ABCC4: variants seen among roughly 807,000 people sequenced by gnomAD.
The protein encoded by ABCC4 is ATP-binding cassette sub-family C member 4.
A neutral mutation model predicts 168.5 loss-of-function variants in ABCC4; 102 were observed. That is an observed-to-expected ratio of 0.61 (90% CI 0.52 to 0.71). The LOEUF (loss-of-function observed/expected upper bound fraction) is 0.71, where lower values mean the gene tolerates loss of function less well. Ranked by LOEUF, ABCC4 falls within the 30% of genes least tolerant of loss-of-function variation. ABCC4 has a pLI of 0.00. For missense variants in ABCC4, 1,402 were observed against 1,605.8 expected, an observed-to-expected ratio of 0.87 and a Z score of 2.17; for synonymous variants, 617 against 590.7, an observed-to-expected ratio of 1.04 and a Z score of -0.65.
In ABCC4 at chr13:95,078,121, C is replaced by T. The variant is rs934498794; in HGVS notation, c.2687-2570G>A. Among the ~76,000 whole-genome samples, 7 of 152,296 alleles carry T rather than the reference C, an allele frequency of 4.6e-5. No homozygotes were observed. The East Asian group carries it at 1.4e-3, about 29-fold the overall frequency. ...ATAGTGCTTTAAGAAACCAGACCTT[C>T]CCTGAGCATAGATTCTCCACCAGAA... On this transcript the variant is annotated intron_variant, in intron 21 of 30. Coordinates refer to ENST00000645237, the MANE Select transcript of ABCC4 (RefSeq NM_005845.5).
intron 1 of ABCC4, among the ~76,000 whole-genome samples, chr13:95,291,585 A>T (rs1192998475): frequency 1.3e-5 from 2 of 152,210 alleles, no homozygotes; most frequent in African/African-American, 4.8e-5. Flanking sequence ...CAACAGCAAC[A>T]ATGAGCTGCT....
chr13:95,074,223 G>C lies in ABCC4; in HGVS notation c.2908C>G (p.Leu970Val). 2 of 1,611,186 alleles carry C rather than the reference G, an allele frequency of 1.2e-6. No homozygotes were observed. The highest frequency in any genetic ancestry group is 2.2e-5 in the East Asian group (1 of 44,836). Residue 970 changes from leucine (L) to valine (V), a missense_variant, in exon 23 of 31, where the codon CTG (leucine) becomes GTG (valine). Around this residue, in one of 3 missense-constraint regions of ABCC4, gnomAD observed 1,007 missense variants for 1,127.3 expected, o/e 0.89. Transcript: ENST00000645237. ...VIIVAFGSLI[L>V]AKTLDAGQVG... is the part of the protein sequence containing the mutation. Reference sequence around the variant, plus strand: ...TCACATCTGTACTTACTTTTTGCCAGAATCAGGGACCCAAAGGCAACGATG... The same window carrying C: ...TCACATCTGTACTTACTTTTTGCCACAATCAGGGACCCAAAGGCAACGATG...
rs115179397 is a variant in ABCC4, at chr13:95,098,424, A to C, written c.2536-15134T>G. Reference sequence around the variant, plus strand: ...ATCAAACATGAATTCACTGGAAAAAAAATCAAAATTGATAAACTCCAAGCT... The same window carrying C: ...ATCAAACATGAATTCACTGGAAAAACAATCAAAATTGATAAACTCCAAGCT... On this transcript the variant is annotated intron_variant, in intron 20 of 30. Coordinates refer to ENST00000645237, the MANE Select transcript of ABCC4 (RefSeq NM_005845.5). Among the ~76,000 whole-genome samples, 270 of 152,274 alleles carry C rather than the reference A, an allele frequency of 1.8e-3. 3 individuals carry two copies. The highest frequency in any genetic ancestry group is 5.7e-3 in the African/African-American group (235 of 41,590).
At position 95,147,711 on chromosome 13, in the gene ABCC4, T is replaced by C. The variant is rs1305799488; in HGVS notation, c.2455+13478A>G. Among the ~76,000 whole-genome samples the C allele has an allele frequency of 5.3e-5, 8 of 152,222 alleles. No homozygotes were observed. The East Asian group carries it at 7.7e-4, about 15-fold the overall frequency. On this transcript the variant is annotated intron_variant, in intron 19 of 30. Coordinates refer to ENST00000645237, the MANE Select transcript of ABCC4 (RefSeq NM_005845.5). ...GTTTCTCCTACTCCTAAGAAGTATA[T>C]CCACTTCTCTGGAATAATTCCAATA...
chr13:95,083,823 C>T (rs148393214), intron 20 of ABCC4, among the ~76,000 whole-genome samples: 120 of 152,070 alleles, frequency 7.9e-4, no homozygotes, highest in African/African-American at 2.8e-3. Flanking sequence ...ACACCAGGCC[C>T]CCATTAGTTC....
At chr13:95,037,934 C>G (rs781532441) in intron 29 of ABCC4, among the ~76,000 whole-genome samples, 1 of 151,582 alleles carries the variant, frequency 6.6e-6, no homozygotes, top group Non-Finnish European at 1.5e-5. Context: ...GGTGTGGTCT[C>G]GGTTCACTGC....
At chr13:95,269,431 AAAAATATATAT>A (rs1566586254) in intron 1 of ABCC4, 17 of 172,534 alleles carry the variant, frequency 9.9e-5, no homozygotes, top group East Asian at 5.7e-4. Flanking sequence ...ATCTCAAAAA[AAAAATATATAT>A]ATATATATAT....
intron 27 of ABCC4, among the ~76,000 whole-genome samples, chr13:95,049,674 TA>T (rs1334989700): frequency 6.6e-6 from 1 of 151,250 alleles, no homozygotes; most frequent in Non-Finnish European, 1.5e-5. Context: ...AATAAATAAA[TA>T]AAAAAATAAC....
intron 1 of ABCC4, among the ~76,000 whole-genome samples, chr13:95,262,685 T>C (rs971852110): frequency 2.0e-5 from 3 of 150,600 alleles, no homozygotes; most frequent in Non-Finnish European, 4.4e-5. Context: ...CAGGCTGGAG[T>C]GCTGTGGTGC....
chr13:95,107,032 G>A (rs1313591438), intron 20 of ABCC4, among the ~76,000 whole-genome samples: 1 of 152,096 alleles, frequency 6.6e-6, no homozygotes, highest in Non-Finnish European at 1.5e-5. Context: ...TGATATGGGT[G>A]GACCACCTGA....
intron 11 of ABCC4, among the ~76,000 whole-genome samples, chr13:95,183,320 G>A (rs1170975900): frequency 6.6e-6 from 1 of 152,108 alleles, no homozygotes; most frequent in Non-Finnish European, 1.5e-5. Flanking sequence ...GACCATTTCT[G>A]TCCAGCAGGT....
At chr13:95,123,072 T>G (rs1439429508) in intron 19 of ABCC4, among the ~76,000 whole-genome samples, 1 of 152,180 alleles carries the variant, frequency 6.6e-6, no homozygotes, top group Non-Finnish European at 1.5e-5. Context: ...ATCCTTCTCA[T>G]TTTTTTCCCC....
chr13:95,066,223 T>A (rs911118642), intron 25 of ABCC4, among the ~76,000 whole-genome samples: 1 of 152,242 alleles, frequency 6.6e-6, no homozygotes, highest in Admixed American at 6.5e-5. Context: ...GCTGAAATCC[T>A]AACCACCTTC....
intron 30 of ABCC4, among the ~76,000 whole-genome samples, chr13:95,022,852 C>T (rs2031171213): frequency 6.6e-6 from 1 of 152,194 alleles, no homozygotes; most frequent in Admixed American, 6.5e-5. Flanking sequence ...TCACTTCTTG[C>T]ACACTTGTTA....
intron 8 of ABCC4, among the ~76,000 whole-genome samples, chr13:95,205,397 C>T (rs1457132429): frequency 6.6e-6 from 1 of 152,212 alleles, no homozygotes; most frequent in African/African-American, 2.4e-5. Context: ...TAAGTTCACT[C>T]GAGTCTGTCC....
At chr13:95,168,344 G>A (rs977304485) in intron 14 of ABCC4, among the ~76,000 whole-genome samples, 12 of 152,122 alleles carry the variant, frequency 7.9e-5, no homozygotes, top group African/African-American at 2.7e-4. Context: ...GCCAGCACAC[G>A]GAACCACTTC....
chr13:95,155,521 T>C (rs1292685703), intron 19 of ABCC4, among the ~76,000 whole-genome samples: 1 of 152,188 alleles, frequency 6.6e-6, no homozygotes, highest in African/African-American at 2.4e-5. Flanking sequence ...GTTTCTTTTT[T>C]CTTTTATCTA....
intron 19 of ABCC4, among the ~76,000 whole-genome samples, chr13:95,141,002 AATAC>A (rs1163424924): frequency 3.3e-5 from 5 of 152,220 alleles, no homozygotes; most frequent in African/African-American, 1.2e-4. Context: ...TGCATTAAAT[AATAC>A]TGGTGGAGGC....
At chr13:95,115,291 C>A (rs574199362) in intron 20 of ABCC4, among the ~76,000 whole-genome samples, 2 of 147,822 alleles carry the variant, frequency 1.4e-5, no homozygotes, top group Non-Finnish European at 1.5e-5. Context: ...TTTTTAAAGA[C>A]AGCTTAAGAC....
Sources: allele counts gnomAD v4.1 joint callset (sites outside exome capture counted in the v4.1 genomes callset), GRCh38; gene constraint gnomAD v4.1.1; regional missense constraint gnomAD v4.1.1; transcripts MANE v1.5; gene names NCBI Gene and HGNC (gene_info 2026-07-23, HGNC 2026-07-21).